Variants in SOX5 observed in about 807,000 individuals in gnomAD.
SOX5 encodes transcription factor SOX-5.
A neutral mutation model predicts 92.0 loss-of-function variants in SOX5; 9 were observed. That is an observed-to-expected ratio of 0.10 (90% confidence interval 0.06 to 0.17). The LOEUF is 0.17. SOX5 is among the 10% of genes least tolerant of loss of function. The pLI is 1.00. For missense variants in SOX5, 642 were observed against 944.5 expected, an observed-to-expected ratio of 0.68 and a Z score of 4.20; for synonymous variants, 344 against 336.3, an observed-to-expected ratio of 1.02 and a Z score of -0.25.
intron 6 of SOX5, 133 bp from the exon 7 acceptor site, chr12:23,665,697 A>G (rs941623804): frequency 2.0e-6 from 2 of 1,014,248 alleles, no homozygotes; most frequent in African/African-American, 3.3e-5. Flanking sequence ...TTGCTGGGAT[A>G]CTGGGCTTGA....
intron 3 of SOX5, among the ~76,000 whole-genome samples, chr12:24,254,142 C>A (rs1022978940): frequency 6.6e-6 from 1 of 152,070 alleles, no homozygotes; most frequent in African/African-American, 2.4e-5. Flanking sequence ...TACAAGGTAA[C>A]AATGCATTCA....
intron 4 of SOX5, among the ~76,000 whole-genome samples, chr12:24,151,827 T>C (rs112119044): frequency 0.014 from 2,058 of 151,650 alleles, 54 homozygotes; most frequent in African/African-American, 0.048. Flanking sequence ...CTCTCTCTCT[T>C]GAAAGTGAGT....
intron 1 of SOX5, among the ~76,000 whole-genome samples, chr12:23,939,540 T>C (rs1213673019): frequency 6.6e-6 from 1 of 151,020 alleles, no homozygotes; most frequent in African/African-American, 2.4e-5. Context: ...CTCAAATACA[T>C]GAATCTATAT....
chr12:24,252,194 A>G lies in SOX5; in HGVS notation c.-77+25022T>C, dbSNP rs140788163. 2.5e-3 allele frequency among the ~76,000 whole-genome samples: 385 copies of G among 152,300 alleles called. 4 individuals carry two copies. The highest frequency in any genetic ancestry group is 0.018 in the East Asian group (94 of 5,178). Reference sequence around the variant, plus strand: ...TTCCTCTCATTCTTTAGAGGAAAAAATGTCTTTTACATAGATCCCAACTGT... The same window carrying G: ...TTCCTCTCATTCTTTAGAGGAAAAAGTGTCTTTTACATAGATCCCAACTGT... On this transcript the variant is annotated intron_variant, in intron 3 of 4. Coordinates refer to the SOX5 transcript ENST00000446891.
At chr12:24,413,723 C>G (rs1439760885) in intron 1 of SOX5, among the ~76,000 whole-genome samples, 6 of 152,160 alleles carry the variant, frequency 3.9e-5, no homozygotes, top group African/African-American at 1.4e-4. Flanking sequence ...ATGGCCCAGT[C>G]ATCGATATTA....
At chr12:23,922,151 A>G (rs1007060736) in intron 1 of SOX5, among the ~76,000 whole-genome samples, 1 of 152,192 alleles carries the variant, frequency 6.6e-6, no homozygotes, top group Admixed American at 6.5e-5. Context: ...GACCAAAGCA[A>G]TCTTTGTTTT....
At chr12:24,310,816 A>G (rs1031786031) in intron 2 of SOX5, among the ~76,000 whole-genome samples, 3 of 151,860 alleles carry the variant, frequency 2.0e-5, no homozygotes, top group African/African-American at 7.3e-5. Flanking sequence ...GAAATATCTG[A>G]CCTTCATTGA....
intron 2 of SOX5, among the ~76,000 whole-genome samples, chr12:23,853,495 A>G (rs2096655288): frequency 1.3e-5 from 2 of 151,636 alleles, no homozygotes. Context: ...AGTTTTAAAA[A>G]TATCTTTATT....
At chr12:24,372,951 CAAAAAA>C (rs375852900) in intron 1 of SOX5, among the ~76,000 whole-genome samples, 1 of 122,536 alleles carries the variant, frequency 8.2e-6, no homozygotes, top group Non-Finnish European at 1.7e-5. Flanking sequence ...CCATCTCTAC[CAAAAAA>C]AAAAAAAAAA....
At chr12:23,915,051 G>A (rs998570619) in intron 1 of SOX5, among the ~76,000 whole-genome samples, 1 of 152,110 alleles carries the variant, frequency 6.6e-6, no homozygotes, top group African/African-American at 2.4e-5. Flanking sequence ...CCTAGACTGA[G>A]TCTTAGCTAT....
At chr12:23,670,024 C>G (rs1566866429) in intron 6 of SOX5, among the ~76,000 whole-genome samples, 2 of 152,072 alleles carry the variant, frequency 1.3e-5, no homozygotes, top group East Asian at 3.9e-4. Context: ...GTTCCAACAA[C>G]AGTTCAACAA....
At chr12:23,674,549 G>A (rs894388117) in intron 6 of SOX5, among the ~76,000 whole-genome samples, 1 of 151,692 alleles carries the variant, frequency 6.6e-6, no homozygotes, top group African/African-American at 2.4e-5. Context: ...TGTTGGCCAA[G>A]CTGATCTCGA....
chr12:24,014,644 A>C (rs1953364732), intron 4 of SOX5, among the ~76,000 whole-genome samples: 1 of 152,208 alleles, frequency 6.6e-6, no homozygotes, highest in African/African-American at 2.4e-5. Context: ...CTCATACCTT[A>C]AACATTGTGT....
Position 24,289,469 on chromosome 12 carries a change from T to A in SOX5, c.-173-12157A>T, listed in dbSNP as rs1026396233. On this transcript the variant is annotated intron_variant, in intron 2 of 4. Coordinates refer to the SOX5 transcript ENST00000446891. ...CATTTGTATCTTTTTTTTTTTTTTTTTTGAGACGGAGTCTCGCTCTGTCGC... is the reference window on the plus strand; with the variant it reads ...CATTTGTATCTTTTTTTTTTTTTTTATTGAGACGGAGTCTCGCTCTGTCGC... 9.3e-5 allele frequency among the ~76,000 whole-genome samples: 11 copies of A among 118,846 alleles called. 2 individuals are homozygous for A. Among genetic ancestry groups the A allele is most frequent in the African/African-American group, 5.3e-4 (11 of 20,592 alleles). 78.0% of individuals were successfully genotyped at this position (118,846 alleles called of 152,430 possible).
intron 4 of SOX5, among the ~76,000 whole-genome samples, chr12:24,118,527 T>C (rs1948296457): frequency 6.6e-6 from 1 of 152,106 alleles, no homozygotes; most frequent in African/African-American, 2.4e-5. Context: ...ATTAAACATC[T>C]TGATAACATC....
intron 4 of SOX5, among the ~76,000 whole-genome samples, chr12:24,027,215 G>A (rs1954981050): frequency 6.6e-6 from 1 of 151,922 alleles, no homozygotes; most frequent in African/African-American, 2.4e-5. Flanking sequence ...AACTCCTCAT[G>A]ACTCACCCTA....
intron 4 of SOX5, among the ~76,000 whole-genome samples, chr12:24,149,824 G>A (rs1951479540): frequency 6.6e-6 from 1 of 152,058 alleles, no homozygotes; most frequent in Non-Finnish European, 1.5e-5. Flanking sequence ...ATGGGATATT[G>A]CTCTGCAATA....
intron 3 of SOX5, among the ~76,000 whole-genome samples, chr12:23,844,748 C>T (rs891723154): frequency 2.0e-5 from 3 of 151,978 alleles, no homozygotes; most frequent in Non-Finnish European, 4.4e-5. Context: ...TATTTTCTTC[C>T]TTATAATGTT....
At chr12:23,590,169 A>T (rs753422630) in intron 9 of SOX5, among the ~76,000 whole-genome samples, 1 of 152,020 alleles carries the variant, frequency 6.6e-6, no homozygotes, top group African/African-American at 2.4e-5. Flanking sequence ...ATAGGCAAAA[A>T]TAATTGAAAT....
Sources: gnomAD v4.1 joint callset for allele counts (sites outside exome capture counted in the v4.1 genomes callset) on GRCh38, gnomAD v4.1.1 for gene constraint, MANE v1.5 for transcripts, NCBI Gene and HGNC (gene_info 2026-07-23, HGNC 2026-07-21) for gene names.